The following SDK1 variants were observed in gnomAD, a reference collection of about 807,000 sequenced individuals.
SDK1 encodes the protein sidekick cell adhesion molecule 1, also known as protein sidekick-1.
In SDK1, 157 loss-of-function variants were observed where a neutral mutation model predicts 245.5. That is an observed-to-expected ratio of 0.64 (90% CI 0.56 to 0.73). SDK1 has a LOEUF of 0.73. Ranked by LOEUF, SDK1 falls within the 30% of genes least tolerant of loss-of-function variation. SDK1 has a pLI of 0.00. For synonymous variants in SDK1, 1,647 were observed against 1,278.5 expected (o/e 1.29, Z -6.15); for missense variants, 3,583 against 3,002.3 (o/e 1.19, Z -4.52).
intron 2 of SDK1, among the ~76,000 whole-genome samples, chr7:3,629,437 C>T (rs76368527): frequency 0.024 from 3,685 of 152,226 alleles, 156 homozygotes; most frequent in African/African-American, 0.083. Context: ...CTACCCCAGG[C>T]AAGGGAAAGG....
chr7:3,787,416 TG>T (rs1238979156), intron 4 of SDK1, among the ~76,000 whole-genome samples: 1 of 152,224 alleles, frequency 6.6e-6, no homozygotes. Context: ...CTGATCACAC[TG>T]GAGCCTTGTG....
chr7:3,799,606 G>C (rs973270794), intron 4 of SDK1, among the ~76,000 whole-genome samples: 2 of 150,810 alleles, frequency 1.3e-5, no homozygotes, highest in African/African-American at 4.9e-5. Flanking sequence ...TCGGGAGGCT[G>C]AGGCAGGAGA....
At chr7:3,875,017 G>A (rs144246868) in intron 5 of SDK1, among the ~76,000 whole-genome samples, 84 of 152,216 alleles carry the variant, frequency 5.5e-4, no homozygotes, top group Non-Finnish European at 1.0e-3. Context: ...ACCCCTTTAT[G>A]TCCTGGTCTG....
intron 41 of SDK1, among the ~76,000 whole-genome samples, chr7:4,237,114 A>G (rs147503910): frequency 0.022 from 3,394 of 150,860 alleles, 60 homozygotes; most frequent in Non-Finnish European, 0.032. Context: ...CTGGTCTTGA[A>G]CTCCTGGGCT....
At position 4,265,242 on chromosome 7, in the gene SDK1, C is replaced by T. The variant is rs752023069; in HGVS notation, c.6500C>T (p.Pro2167Leu). 3.7e-6 allele frequency: 6 copies of T among 1,606,322 alleles called. No individual in the cohort carries two copies. Among genetic ancestry groups the T allele is most frequent in the South Asian group, 3.3e-5 (3 of 90,880 alleles). Residue 2167 changes from proline to leucine, a missense_variant, in exon 45 of 45, where the codon CCG becomes CTG. Pro to Leu is a moderately conservative substitution (Grantham distance 98, BLOSUM62 -3). Coordinates refer to ENST00000404826, the MANE Select transcript of SDK1 (RefSeq NM_152744.4). Reference protein sequence around the residue: ...KRRAQGRAPAPHRYEAVAGSE... With the variant: ...KRRAQGRAPALHRYEAVAGSE... Reference sequence around the variant, plus strand: ...AGGGCCCAGGGCCGCGCACCTGCGCCGCACAGGTACGAGGCGGTGGCGGGC... The same window carrying T: ...AGGGCCCAGGGCCGCGCACCTGCGCTGCACAGGTACGAGGCGGTGGCGGGC...
chr7:3,962,658 G>A lies in SDK1; in HGVS notation c.1236G>A (p.Gly412=), dbSNP rs1449458952. The change falls in exon 9 of 45, where the codon GGG becomes GGA. Residue 412 remains glycine, a splice_region_variant and synonymous_variant. Coordinates refer to ENST00000404826, the MANE Select transcript of SDK1 (RefSeq NM_152744.4). ...ETVDIGCQAM[G]VPLPTLQWYK... is the part of the protein sequence containing the mutation. ...CTATTTATTCCCATTCCTACGCAGG[G>A]GTCCCCCTTCCCACCCTCCAGTGGT... is the stretch of plus-strand genomic sequence containing the variant. 1.9e-6 allele frequency: 3 copies of A among 1,603,864 alleles called. No homozygotes were observed. The highest frequency in any genetic ancestry group is 2.6e-6 in the Non-Finnish European group (3 of 1,174,232).
Position 3,450,373 on chromosome 7 carries a change from A to T in SDK1, c.298+148489A>T, listed in dbSNP as rs1223971721. The stretch of plus-strand genomic sequence containing the variant: ...GTGTGGATGAGGTATTATTAAGCCC[A>T]GGATCTTGAAGATGAGTAGAATGGT... On this transcript the variant is annotated intron_variant, in intron 1 of 44. Coordinates refer to ENST00000404826, the MANE Select transcript of SDK1 (RefSeq NM_152744.4). Among the ~76,000 whole-genome samples, 4 of 152,216 alleles carry T rather than the reference A, an allele frequency of 2.6e-5. No individual in the cohort carries two copies. The East Asian group carries it at 7.7e-4, about 29-fold the overall frequency.
chr7:3,344,403 C>A (rs1021000138), intron 1 of SDK1, among the ~76,000 whole-genome samples: 1 of 151,936 alleles, frequency 6.6e-6, no homozygotes, highest in Non-Finnish European at 1.5e-5. Flanking sequence ...TTTTTTTTCT[C>A]GTTAGTTGTA....
rs555636895 is a variant in SDK1 at position 3,639,850 on chromosome 7, A to G, written c.565+740A>G. 2.5e-3 allele frequency among the ~76,000 whole-genome samples: 378 copies of G among 151,898 alleles called. 3 individuals carry two copies. Among genetic ancestry groups the G allele is most frequent in the South Asian group, 0.017 (84 of 4,818 alleles). ...TATATGTCATATATATGTTATATAT[A>G]TAAATAAATATATGTTTGAGATAGG... On this transcript the variant is annotated intron_variant, in intron 3 of 44. Coordinates refer to ENST00000404826, the MANE Select transcript of SDK1 (RefSeq NM_152744.4).
chr7:3,604,462 T>C (rs1781353575), intron 1 of SDK1, among the ~76,000 whole-genome samples: 1 of 152,162 alleles, frequency 6.6e-6, no homozygotes, highest in Non-Finnish European at 1.5e-5. Flanking sequence ...AGCATTTTAG[T>C]GCTATACATT....
intron 1 of SDK1, among the ~76,000 whole-genome samples, chr7:3,384,048 G>T (rs1486685461): frequency 6.6e-6 from 1 of 152,104 alleles, no homozygotes; most frequent in Non-Finnish European, 1.5e-5. Context: ...TTAAATTTTT[G>T]TATTTTATAC....
chr7:3,564,920 AT>A (rs1194671720), intron 1 of SDK1, among the ~76,000 whole-genome samples: 1 of 152,020 alleles, frequency 6.6e-6, no homozygotes, highest in Non-Finnish European at 1.5e-5. Flanking sequence ...CAAAAATGCG[AT>A]TATCTCAAGC....
At chr7:4,110,896 CAG>C in intron 23 of SDK1, 124 bp downstream of exon 23, 2 of 693,778 alleles carry the variant, frequency 2.9e-6, no homozygotes. Flanking sequence ...GTGGCAATAA[CAG>C]TACCTAAAAG....
chr7:3,614,453 C>A (rs189259598), intron 1 of SDK1, among the ~76,000 whole-genome samples: 1 of 152,298 alleles, frequency 6.6e-6, no homozygotes, highest in African/African-American at 2.4e-5. Flanking sequence ...GGCTTTTCCC[C>A]AGGTCAGAGT....
intron 1 of SDK1, among the ~76,000 whole-genome samples, chr7:3,373,120 G>A (rs752807664): frequency 4.6e-5 from 7 of 152,170 alleles, no homozygotes; most frequent in Non-Finnish European, 1.0e-4. Context: ...CTTATAAACT[G>A]ATAAGCTGAA....
At chr7:3,884,124 A>G (rs1236744563) in intron 5 of SDK1, among the ~76,000 whole-genome samples, 1 of 148,426 alleles carries the variant, frequency 6.7e-6, no homozygotes, top group East Asian at 2.0e-4. Flanking sequence ...TGTGTCACGC[A>G]GGCTGGAGGG....
At chr7:3,738,697 A>ATTTC in intron 4 of SDK1, among the ~76,000 whole-genome samples, 1 of 151,958 alleles carries the variant, frequency 6.6e-6, no homozygotes, top group East Asian at 1.9e-4. Flanking sequence ...GTCTTCTTTT[A>ATTTC]TTTCTTTCAG....
At chr7:3,887,714 C>T (rs1028447069) in intron 5 of SDK1, among the ~76,000 whole-genome samples, 8 of 152,166 alleles carry the variant, frequency 5.3e-5, no homozygotes, top group Non-Finnish European at 1.0e-4. Context: ...GAGTTTGTAT[C>T]ATCTTTTTCT....
intron 4 of SDK1, among the ~76,000 whole-genome samples, chr7:3,739,317 C>G (rs1779410836): frequency 6.6e-6 from 1 of 152,178 alleles, no homozygotes; most frequent in South Asian, 2.1e-4. Context: ...CTTACATATA[C>G]AGACCATTGT....
Sources: gnomAD v4.1 joint callset for allele counts (sites outside exome capture counted in the v4.1 genomes callset) on GRCh38, gnomAD v4.1.1 for gene constraint, MANE v1.5 for transcripts, NCBI Gene and HGNC (gene_info 2026-07-23, HGNC 2026-07-21) for gene names.